Variants in ENKUR observed in about 807,000 individuals in gnomAD.
ENKUR encodes the protein enkurin, TRPC channel interacting protein.
Under a neutral mutation model 27.6 loss-of-function variants are expected in ENKUR, and 19 were observed. That is an observed-to-expected ratio of 0.69 (90% CI 0.48 to 1.01). The LOEUF (loss-of-function observed/expected upper bound fraction) is 1.01. Ranked by LOEUF, ENKUR falls within the 50% of genes least tolerant of loss-of-function variation. The pLI is 0.00. For synonymous variants in ENKUR, 117 were observed against 96.9 expected (o/e 1.21, Z -1.22); for missense variants, 312 against 310.5 (o/e 1.00, Z -0.04).
intron 2 of ENKUR, chr10:25,024,211 G>C: frequency 6.2e-7 from 1 of 1,614,194 alleles, no homozygotes; most frequent in South Asian, 1.1e-5. Flanking sequence ...AATTGCTCCT[G>C]TCAGGCACCT....
intron 1 of ENKUR, among the ~76,000 whole-genome samples, chr10:25,011,718 C>T (rs371125009): frequency 6.6e-6 from 1 of 152,046 alleles, no homozygotes; most frequent in African/African-American, 2.4e-5. Context: ...GCAACAAAAG[C>T]CAAAATTGAC....
intron 2 of ENKUR, among the ~76,000 whole-genome samples, chr10:25,058,945 A>AG (rs1851294510): frequency 7.2e-6 from 1 of 138,946 alleles, no homozygotes; most frequent in Non-Finnish European, 1.6e-5. Flanking sequence ...AAAAAAAAAA[A>AG]GTAAGGAGGG....
At chr10:25,053,037 G>A (rs527750564) in intron 2 of ENKUR, among the ~76,000 whole-genome samples, 2 of 150,156 alleles carry the variant, frequency 1.3e-5, no homozygotes, top group African/African-American at 4.9e-5. Context: ...CCAAAGTGCT[G>A]GGATTACAGG....
At chr10:25,011,581 T>C (rs908505177) in intron 1 of ENKUR, among the ~76,000 whole-genome samples, 1 of 152,114 alleles carries the variant, frequency 6.6e-6, no homozygotes, top group African/African-American at 2.4e-5. Context: ...CAAAAATTAA[T>C]TCAAGATGGA....
At chr10:25,015,670 CTGTAA>C (rs1437002856) in intron 1 of ENKUR, among the ~76,000 whole-genome samples, 185 bp downstream of exon 1, 1 of 152,198 alleles carries the variant, frequency 6.6e-6, no homozygotes, top group Non-Finnish European at 1.5e-5. Context: ...ACTGCCCTCT[CTGTAA>C]AACTGTGAGA....
At chr10:25,041,783 A>T (rs1235330869) in intron 2 of ENKUR, among the ~76,000 whole-genome samples, 1 of 152,038 alleles carries the variant, frequency 6.6e-6, no homozygotes, top group African/African-American at 2.4e-5. Flanking sequence ...TTGTCTGCTG[A>T]GATTTTCCAT....
At chr10:24,994,087 G>A (rs928990478) in intron 3 of ENKUR, among the ~76,000 whole-genome samples, 1 of 152,168 alleles carries the variant, frequency 6.6e-6, no homozygotes, top group African/African-American at 2.4e-5. Flanking sequence ...TGAGAAGACA[G>A]TGTCCTCTGA....
chr10:25,003,212 C>T (rs555200791), intron 1 of ENKUR, among the ~76,000 whole-genome samples: 56 of 150,532 alleles, frequency 3.7e-4, no homozygotes, highest in Admixed American at 6.6e-4. Flanking sequence ...ATTTTTTGCC[C>T]GCTCTGTTGC....
rs191852926 is a variant in ENKUR, at chr10:25,040,169, C to G, written c.37+20943G>C. On this transcript the variant is annotated intron_variant, in intron 2 of 5. Transcript: ENST00000615958. The stretch of plus-strand genomic sequence containing the variant: ...GCTACAAGGCTGCTTAAGGTATAGG[C>G]TCAAAAATCCCAGAACATCATTTCT... Among the ~76,000 whole-genome samples, 127 of 152,100 alleles carry G rather than the reference C, an allele frequency of 8.3e-4. 1 individual carries two copies. The highest frequency in any genetic ancestry group is 2.9e-3 in the African/African-American group (122 of 41,476).
At chr10:25,054,697 T>C (rs1851233146) in intron 2 of ENKUR, among the ~76,000 whole-genome samples, 1 of 151,566 alleles carries the variant, frequency 6.6e-6, no homozygotes, top group Admixed American at 6.6e-5. Context: ...TTTTTTTTTT[T>C]TCTGAGACAG....
At chr10:25,025,471 ATTT>A in intron 2 of ENKUR, 8 of 1,580,450 alleles carry the variant, frequency 5.1e-6, no homozygotes, top group Non-Finnish European at 6.0e-6. Flanking sequence ...TTCAGAGTAA[ATTT>A]TTTTTTCTAG....
chr10:25,028,812 A>G (rs1489869700), intron 2 of ENKUR, among the ~76,000 whole-genome samples: 1 of 152,190 alleles, frequency 6.6e-6, no homozygotes, highest in African/African-American at 2.4e-5. Flanking sequence ...TCTTTGATTG[A>G]TTAGATTCGC....
chr10:24,985,004 G>A, intron 4 of ENKUR, 99 bp from the exon 5 acceptor site: 1 of 919,046 alleles, frequency 1.1e-6, no homozygotes, highest in Non-Finnish European at 1.7e-6. Flanking sequence ...ATAAGTAAAA[G>A]AAACTGACAA....
At chr10:25,002,793 C>A (rs7099168) in intron 1 of ENKUR, among the ~76,000 whole-genome samples, 4,387 of 152,126 alleles carry the variant, frequency 0.029, 143 homozygotes, top group African/African-American at 0.078. Context: ...CAATTATAGT[C>A]CAAACTGAAT....
intron 2 of ENKUR, chr10:25,024,628 A>G (rs1248614669): frequency 6.2e-7 from 1 of 1,614,250 alleles, no homozygotes; most frequent in South Asian, 1.1e-5. Context: ...AAGTTCGGCT[A>G]ACTCCATAAA....
chr10:25,007,906 G>C (rs1292806240), intron 1 of ENKUR, among the ~76,000 whole-genome samples: 1 of 151,090 alleles, frequency 6.6e-6, no homozygotes, highest in East Asian at 1.9e-4. Flanking sequence ...CAACCACATA[G>C]TTTTCCAGGC....
At chr10:25,061,428 A>C in intron 1 of ENKUR, 1 of 367,472 alleles carries the variant, frequency 2.7e-6, no homozygotes. Context: ...CACAAACTGA[A>C]TCTCTTCCTC....
At chr10:25,020,782 C>G (rs1281834467), upstream of ENKUR, among the ~76,000 whole-genome samples, 1 of 151,704 alleles carries the variant, frequency 6.6e-6, no homozygotes, top group Non-Finnish European at 1.5e-5. Context: ...ACCATCTACT[C>G]AGATTATATA....
intron 2 of ENKUR, among the ~76,000 whole-genome samples, chr10:25,040,665 T>C (rs372354887): frequency 1.1e-4 from 16 of 152,338 alleles, no homozygotes; most frequent in African/African-American, 3.6e-4. Context: ...CCACAGCGCC[T>C]GGCCCTAAAT....
Sources: gnomAD v4.1 joint callset for allele counts (sites outside exome capture counted in the v4.1 genomes callset) on GRCh38, gnomAD v4.1.1 for gene constraint, MANE v1.5 for transcripts, NCBI Gene and HGNC (gene_info 2026-07-23, HGNC 2026-07-21) for gene names.